Variants in SMNDC1 observed in about 807,000 individuals in gnomAD.
The protein encoded by SMNDC1 is survival motor neuron domain containing 1.
SMNDC1 carries 5 observed loss-of-function variants against 29.2 expected under a neutral mutation model. The observed-to-expected ratio is 0.17, with a 90% CI of 0.09 to 0.36. The LOEUF (loss-of-function observed/expected upper bound fraction) is 0.36. Among genes scored for constraint, SMNDC1 ranks in the 10% least tolerant of loss-of-function variants. The probability of loss-of-function intolerance (pLI) is 1.00; values close to 1 mark genes in which losing one functional copy is unlikely to be tolerated. For missense variants in SMNDC1, 142 were observed against 268.5 expected (o/e 0.53, Z 3.29); for synonymous variants, 80 against 89.9 (o/e 0.89, Z 0.62).
rs761031526 is a variant in SMNDC1, at chr10:110,295,215, A to C, written c.579+13T>G. On this transcript the variant is annotated intron_variant, in intron 5 of 5. Transcript: ENST00000369603. Reference sequence around the variant, plus strand: ...ATTTCTCAAATTTACAAAGTGTAAAAAGATTTACCAACCTGGCCTTTTTTG... The same window carrying C: ...ATTTCTCAAATTTACAAAGTGTAAACAGATTTACCAACCTGGCCTTTTTTG... 6.3e-7 allele frequency: 1 copy of C among 1,577,158 alleles called. No individual in the cohort carries two copies. Among genetic ancestry groups the C allele is most frequent in the Admixed American group, 2.1e-5 (1 of 48,076 alleles).
At position 110,294,744 on chromosome 10, in the gene SMNDC1, C is replaced by T. The variant is rs377332171; in HGVS notation, c.580-457G>A. Among the ~76,000 whole-genome samples, 4 of 152,262 alleles carry T rather than the reference C, an allele frequency of 2.6e-5. No homozygotes were observed. In the East Asian group the frequency reaches 7.7e-4, roughly 29 times the overall value. On this transcript the variant is annotated intron_variant, in intron 5 of 5. Transcript: ENST00000369603. ...GCCATGTCCATCAATGGAAGGGCTA[C>T]CTTGATGGCAGTGAAGAGTAACACA...
At chr10:110,296,737 G>C (rs927258599) in intron 4 of SMNDC1, among the ~76,000 whole-genome samples, 5 of 152,002 alleles carry the variant, frequency 3.3e-5, no homozygotes, top group African/African-American at 1.2e-4. Context: ...GTTATCGGTG[G>C]CTTACAAGCT....
At position 110,297,743 on chromosome 10, in the gene SMNDC1, T is replaced by C; in HGVS notation, c.264-15A>G. The C allele has an allele frequency of 6.2e-7, 1 of 1,611,958 alleles. No homozygotes were observed. Among genetic ancestry groups the C allele is most frequent in the Non-Finnish European group, 8.5e-7 (1 of 1,178,796 alleles). Reference sequence around the variant, plus strand: ...CTTCATAACACCTGTAAAGATATCATGGCTGTAAGCAGGTGAGTAAAGGTT... The same window carrying C: ...CTTCATAACACCTGTAAAGATATCACGGCTGTAAGCAGGTGAGTAAAGGTT... On this transcript the variant is annotated splice_polypyrimidine_tract_variant and intron_variant, in intron 3 of 5. Coordinates refer to ENST00000369603, the MANE Select transcript of SMNDC1 (RefSeq NM_005871.4).
In SMNDC1 at chr10:110,293,297, A is replaced by T. The variant is rs1175464498; in HGVS notation, c.*853T>A. ...AATTATCGTCAGATTAATGCACAAG[A>T]AATACAAGAAATTTTTAATGATGAA... On this transcript the variant is annotated 3_prime_UTR_variant, in exon 6 of 6. Coordinates refer to ENST00000369603, the MANE Select transcript of SMNDC1 (RefSeq NM_005871.4). 6.6e-6 allele frequency: 1 copy of T among 152,616 alleles called. No individual in the cohort carries two copies. Among genetic ancestry groups the T allele is most frequent in the Non-Finnish European group, 1.5e-5 (1 of 68,034 alleles). The allele number at this position is 152,616 out of a possible 1,614,324, so 9.5% of individuals were successfully genotyped here.
At position 110,298,939 on chromosome 10, in the gene SMNDC1, T is replaced by A. The variant is rs1160515029; in HGVS notation, c.121-149A>T. On this transcript the variant is annotated intron_variant, in intron 2 of 5. Coordinates refer to ENST00000369603, the MANE Select transcript of SMNDC1 (RefSeq NM_005871.4). ...CACTATTAAGCAAGTACTGTGATTA[T>A]CCCCATGTAGAAACTGATACAGTAT... 3.8e-5 allele frequency: 22 copies of A among 575,726 alleles called. No homozygotes were observed. The South Asian group carries it at 5.4e-4, about 14-fold the overall frequency. 35.7% of individuals were successfully genotyped at this position (575,726 alleles called of 1,614,324 possible).
intron 4 of SMNDC1, 43 bp downstream of exon 4, chr10:110,297,524 T>C (rs202066762): frequency 6.3e-7 from 1 of 1,579,736 alleles, no homozygotes; most frequent in East Asian, 2.2e-5. Context: ...AGTATCCAAA[T>C]GGGGAAGATT....
rs560869732 is a variant in SMNDC1, at chr10:110,296,530, A to G, written c.425+1037T>C. 8.5e-5 allele frequency among the ~76,000 whole-genome samples: 13 copies of G among 152,350 alleles called. No individual in the cohort carries two copies. In the South Asian group the frequency reaches 2.7e-3, roughly 32 times the overall value. ...AAATCAAAAGACTAAGTTGTGGCAA[A>G]TATGCAGAAGTTCACCAAAATATTG... On this transcript the variant is annotated intron_variant, in intron 4 of 5. Coordinates refer to ENST00000369603, the MANE Select transcript of SMNDC1 (RefSeq NM_005871.4).
Position 110,304,787 on chromosome 10 carries a change from G to A in SMNDC1, c.-40C>T, listed in dbSNP as rs894509044. 1 of 153,204 alleles carries A rather than the reference G, an allele frequency of 6.5e-6. No homozygotes were observed. The highest frequency in any genetic ancestry group is 2.4e-5 in the African/African-American group (1 of 41,462). The allele number at this position is 153,204 out of a possible 1,614,324, so 9.5% of individuals were successfully genotyped here. A position where few individuals can be genotyped will look rare whatever the true frequency, so the allele number is the denominator to read the frequency against. ...GGGGCGGGGCGGCGGGAAGGGGTCG[G>A]GGCAAATGAGCCCAGTGGTAGTGGC... On this transcript the variant is annotated 5_prime_UTR_variant, in exon 1 of 6. Coordinates refer to ENST00000369603, the MANE Select transcript of SMNDC1 (RefSeq NM_005871.4).
At chr10:110,304,501 C>G (rs1441669740) in intron 1 of SMNDC1, 1 of 152,216 alleles carries the variant, frequency 6.6e-6, no homozygotes, top group Non-Finnish European at 1.5e-5. Context: ...CACAGGGAGC[C>G]GCGCGGCGCC....
intron 2 of SMNDC1, among the ~76,000 whole-genome samples, chr10:110,302,904 C>T (rs1284507123): frequency 6.6e-6 from 1 of 152,114 alleles, no homozygotes; most frequent in East Asian, 1.9e-4. Flanking sequence ...GTGTCAACAA[C>T]TTTACTGTAA....
intron 4 of SMNDC1, among the ~76,000 whole-genome samples, chr10:110,295,769 G>A (rs1371293844): frequency 6.6e-6 from 1 of 151,998 alleles, no homozygotes; most frequent in South Asian, 2.1e-4. Context: ...ACCCTCCCAA[G>A]TAGCTGGGAC....
In SMNDC1 at chr10:110,295,259, T is replaced by C. The variant is rs753938642; in HGVS notation, c.548A>G (p.Asn183Ser). Residue 183 changes from asparagine (N) to serine (S), a missense_variant, in exon 5 of 6, where the codon AAC (asparagine) becomes AGC (serine). This residue lies in a region of SMNDC1 where 54 missense variants were observed against 152.1 expected (regional missense o/e 0.36). Coordinates refer to ENST00000369603, the MANE Select transcript of SMNDC1 (RefSeq NM_005871.4). Reference protein sequence around the residue: ...DQKVKWQQFNNRAYSKNKKGQ... With the variant: ...DQKVKWQQFNSRAYSKNKKGQ... ...TTTTTTGTTTTTAGAATAGGCTCTG[T>C]TGTTGAATTGTTGCCATTTCACTTT... The C allele has an allele frequency of 1.2e-5, 19 of 1,605,696 alleles. No individual in the cohort carries two copies. The highest frequency in any genetic ancestry group is 1.6e-5 in the Non-Finnish European group (19 of 1,177,986).
At position 110,295,261 on chromosome 10, in the gene SMNDC1, G is replaced by A. The variant is rs998117095; in HGVS notation, c.546C>T (p.Asn182=). The change falls in exon 5 of 6, where the codon AAC becomes AAT. Residue 182 remains asparagine (N), a synonymous_variant. Coordinates refer to ENST00000369603, the MANE Select transcript of SMNDC1 (RefSeq NM_005871.4). ...EDQKVKWQQF[N]NRAYSKNKKG... ...TTTTGTTTTTAGAATAGGCTCTGTT[G>A]TTGAATTGTTGCCATTTCACTTTCT... The A allele has an allele frequency of 6.2e-7, 1 of 1,605,178 alleles. No homozygotes were observed. Among genetic ancestry groups the A allele is most frequent in the Non-Finnish European group, 8.5e-7 (1 of 1,177,562 alleles).
At chr10:110,300,348 AG>A in intron 2 of SMNDC1, among the ~76,000 whole-genome samples, 1 of 152,360 alleles carries the variant, frequency 6.6e-6, no homozygotes, top group South Asian at 2.1e-4. Context: ...GTGAATTCAG[AG>A]GCCTGTGCTG....
At position 110,294,057 on chromosome 10, in the gene SMNDC1, A is replaced by C. The variant is rs1189316775; in HGVS notation, c.*93T>G. The C allele has an allele frequency of 4.1e-6, 4 of 980,500 alleles. No homozygotes were observed. The highest frequency in any genetic ancestry group is 5.7e-6 in the Non-Finnish European group (4 of 695,854). The allele number at this position is 980,500 out of a possible 1,614,324, so 60.7% of individuals were successfully genotyped here. On this transcript the variant is annotated 3_prime_UTR_variant, in exon 6 of 6. Coordinates refer to ENST00000369603, the MANE Select transcript of SMNDC1 (RefSeq NM_005871.4). The stretch of plus-strand genomic sequence containing the variant: ...CAATGACGACAATGGTATCTTGCTT[A>C]CTCATCTAACAAATAATTTACCTTT...
intron 4 of SMNDC1, 127 bp downstream of exon 4, chr10:110,297,440 T>C: frequency 1.2e-6 from 1 of 824,152 alleles, no homozygotes; most frequent in East Asian, 2.6e-5. Context: ...GACCCTTTGT[T>C]GCTAATCTTC....
chr10:110,295,192 T>G, intron 5 of SMNDC1, 36 bp downstream of exon 5: 1 of 1,545,142 alleles, frequency 6.5e-7, no homozygotes, highest in Non-Finnish European at 8.7e-7. Flanking sequence ...ACAGTTGCAT[T>G]TCTCAAATTT....
At chr10:110,297,113 CAAAG>C (rs1202334076) in intron 4 of SMNDC1, among the ~76,000 whole-genome samples, 2 of 152,200 alleles carry the variant, frequency 1.3e-5, no homozygotes, top group Non-Finnish European at 1.5e-5. Context: ...GTCATTTTCT[CAAAG>C]AAATCTGCCC....
chr10:110,298,080 C>T lies in SMNDC1; in HGVS notation c.264-352G>A, dbSNP rs1857593011. On this transcript the variant is annotated intron_variant, in intron 3 of 5. Transcript: ENST00000369603. ...CTCAGCTCACTTCAACCTCCGCCTC[C>T]CAGGTTCAAACAATTCTCATGCCTC... Among the ~76,000 whole-genome samples the T allele has an allele frequency of 2.0e-5, 3 of 152,162 alleles. No individual in the cohort carries two copies. The South Asian group carries it at 6.2e-4, about 32-fold the overall frequency.
Sources: allele counts gnomAD v4.1 joint callset (sites outside exome capture counted in the v4.1 genomes callset), GRCh38; gene constraint gnomAD v4.1.1; regional missense constraint gnomAD v4.1.1; transcripts MANE v1.5; gene names NCBI Gene and HGNC (gene_info 2026-07-23, HGNC 2026-07-21).